Variants in TRAT1 observed in about 807,000 individuals in gnomAD.
The protein encoded by TRAT1 is T cell receptor associated transmembrane adaptor 1.
In TRAT1, 20 loss-of-function variants were observed where a neutral mutation model predicts 20.0. The ratio of observed to expected loss-of-function variants is 1.00; its 90% CI spans 0.70 to 1.45. The LOEUF is 1.45. TRAT1 is among the 40% of genes most tolerant of loss of function. The pLI, the probability that TRAT1 is intolerant of heterozygous loss-of-function variation, is 0.00. For synonymous variants in TRAT1, 77 were observed against 74.2 expected (o/e 1.04, Z -0.20); for missense variants, 237 against 224.1 (o/e 1.06, Z -0.37).
chr3:108,826,125 A>G (rs146164065), intron 1 of TRAT1, among the ~76,000 whole-genome samples: 3 of 152,294 alleles, frequency 2.0e-5, no homozygotes, highest in Non-Finnish European at 2.9e-5. Flanking sequence ...TAAATTAAGT[A>G]AAGTATTGAT....
Position 108,838,975 on chromosome 3 carries a change from G to C in TRAT1, c.152+8G>C, listed in dbSNP as rs766378914. The C allele has an allele frequency of 1.9e-6, 3 of 1,595,700 alleles. No individual in the cohort carries two copies. Among genetic ancestry groups the C allele is most frequent in the Non-Finnish European group, 2.6e-6 (3 of 1,163,222 alleles). On this transcript the variant is annotated splice_region_variant and intron_variant, in intron 3 of 5. Coordinates refer to ENST00000295756, the MANE Select transcript of TRAT1 (RefSeq NM_016388.4). ...CTCCAGTGACCACACCAGGTATGTTGTGATTCAGTCATGGATCATGATTCC... is the reference window on the plus strand; with the variant it reads ...CTCCAGTGACCACACCAGGTATGTTCTGATTCAGTCATGGATCATGATTCC...
chr3:108,853,829 C>T lies in TRAT1; in HGVS notation c.513C>T (p.Pro171=), dbSNP rs765082707. The change falls in exon 6 of 6, where the codon CCC becomes CCT. Residue 171 remains proline (P), a synonymous_variant. Transcript: ENST00000295756. ...QAVEENIHDD[P]IRLFGLIRAK... Reference sequence around the variant, plus strand: ...TAGAGGAAAACATTCATGATGATCCCATCAGACTGTTTGGATTGATCCGTG... The same window carrying T: ...TAGAGGAAAACATTCATGATGATCCTATCAGACTGTTTGGATTGATCCGTG... 2.4e-5 allele frequency: 38 copies of T among 1,613,740 alleles called. No homozygotes were observed. The Admixed American group carries it at 6.3e-4, about 27-fold the overall frequency.
At chr3:108,849,080 C>A (rs1468984507) in intron 4 of TRAT1, 86 bp from the exon 5 acceptor site, 14 of 1,174,172 alleles carry the variant, frequency 1.2e-5, no homozygotes, top group South Asian at 8.4e-5. Context: ...ATATTTGCAG[C>A]CAAATGTTGT....
intron 4 of TRAT1, 70 bp downstream of exon 4, chr3:108,847,199 C>A: frequency 3.3e-6 from 3 of 922,830 alleles, no homozygotes; most frequent in South Asian, 1.5e-5. Flanking sequence ...ATTTAAGTGG[C>A]GCTTTAAAAA....
At chr3:108,825,957 T>C (rs1269518778) in intron 1 of TRAT1, among the ~76,000 whole-genome samples, 3 of 152,150 alleles carry the variant, frequency 2.0e-5, no homozygotes, top group African/African-American at 7.2e-5. Context: ...AAAGACAAGT[T>C]CATCTACAGC....
intron 5 of TRAT1, among the ~76,000 whole-genome samples, chr3:108,851,418 T>C (rs1418402845): frequency 6.6e-6 from 1 of 152,208 alleles, no homozygotes; most frequent in South Asian, 2.1e-4. Flanking sequence ...TCCTCTTCTC[T>C]TCATATCCAA....
At position 108,853,796 on chromosome 3, in the gene TRAT1, C is replaced by A. The variant is rs772650331; in HGVS notation, c.480C>A (p.Ser160Arg). 1.2e-6 allele frequency: 2 copies of A among 1,613,948 alleles called. No individual in the cohort carries two copies. The highest frequency in any genetic ancestry group is 1.7e-6 in the Non-Finnish European group (2 of 1,179,954). The change falls in exon 6 of 6, where the codon AGC becomes AGA. Residue 160 changes from serine (S) to arginine (R), a missense_variant. Ser to Arg is a moderately radical substitution (Grantham distance 110, BLOSUM62 -1). Transcript: ENST00000295756. ...TTLVDSFSPE[S>R]QAVEENIHDD... Reference sequence around the variant, plus strand: ...TAGTAGACAGTTTCTCCCCAGAAAGCCAGGCAGTAGAGGAAAACATTCATG... The same window carrying A: ...TAGTAGACAGTTTCTCCCCAGAAAGACAGGCAGTAGAGGAAAACATTCATG...
At chr3:108,839,571 G>A (rs899300777) in intron 3 of TRAT1, among the ~76,000 whole-genome samples, 7 of 151,812 alleles carry the variant, frequency 4.6e-5, no homozygotes, top group Admixed American at 2.6e-4. Flanking sequence ...ACTTGAACCC[G>A]GGAGGCGGAG....
chr3:108,844,345 T>C (rs1191442047), intron 3 of TRAT1, among the ~76,000 whole-genome samples: 4 of 147,750 alleles, frequency 2.7e-5, no homozygotes. Flanking sequence ...TGAGACGGAG[T>C]CTCGCTCTGA....
Position 108,854,957 on chromosome 3 carries a change from C to T in TRAT1, c.*1080C>T, listed in dbSNP as rs1453856118. On this transcript the variant is annotated 3_prime_UTR_variant, in exon 6 of 6. Coordinates refer to ENST00000295756, the MANE Select transcript of TRAT1 (RefSeq NM_016388.4). ...CACGCTATTTTTCTGATTGTTAAGA[C>T]TTTCCTTATTACTGGTTCTAATTTG... 1 of 152,036 alleles carries T rather than the reference C, an allele frequency of 6.6e-6. No homozygotes were observed. Among genetic ancestry groups the T allele is most frequent in the Non-Finnish European group, 1.5e-5 (1 of 67,968 alleles). 9.4% of individuals were successfully genotyped at this position (152,036 alleles called of 1,614,324 possible).
In TRAT1 at chr3:108,835,736, C is replaced by A. The variant is rs1576520090; in HGVS notation, c.119-3198C>A. On this transcript the variant is annotated intron_variant, in intron 2 of 5. Transcript: ENST00000295756. ...TATTTTCCCCCCAAATTGGTTTAGT[C>A]CCTTTCCTTCCATCTAAACATCACA... Among the ~76,000 whole-genome samples the A allele has an allele frequency of 3.3e-5, 5 of 152,166 alleles. No homozygotes were observed. In the South Asian group the frequency reaches 8.3e-4, roughly 25 times the overall value.
chr3:108,831,538 CTTTTTTTT>C (rs779234270), intron 2 of TRAT1, among the ~76,000 whole-genome samples: 1 of 132,166 alleles, frequency 7.6e-6, no homozygotes, highest in Non-Finnish European at 1.6e-5. Flanking sequence ...TGGAAGGTAT[CTTTTTTTT>C]TTTTTTTTTT....
At chr3:108,844,260 T>A (rs908361938) in intron 3 of TRAT1, among the ~76,000 whole-genome samples, 1 of 151,988 alleles carries the variant, frequency 6.6e-6, no homozygotes, top group African/African-American at 2.4e-5. Context: ...TCTCATTTTT[T>A]AAGTAAGACA....
chr3:108,831,852 T>C (rs898398914), intron 2 of TRAT1, among the ~76,000 whole-genome samples: 2 of 152,062 alleles, frequency 1.3e-5, no homozygotes, highest in Non-Finnish European at 2.9e-5. Context: ...CTGGAAGGTG[T>C]TTAAATACCA....
At chr3:108,823,932 C>T (rs899739051) in intron 1 of TRAT1, among the ~76,000 whole-genome samples, 1 of 151,810 alleles carries the variant, frequency 6.6e-6, no homozygotes, top group Non-Finnish European at 1.5e-5. Flanking sequence ...AGTGCAGTGG[C>T]GCAATCTTGG....
chr3:108,840,062 G>C (rs948801331), intron 3 of TRAT1, among the ~76,000 whole-genome samples: 1 of 151,896 alleles, frequency 6.6e-6, no homozygotes, highest in Non-Finnish European at 1.5e-5. Flanking sequence ...TTTCTCACTG[G>C]GTAGGATAAG....
intron 3 of TRAT1, among the ~76,000 whole-genome samples, chr3:108,844,319 ATTT>A (rs1163841021): frequency 3.5e-5 from 5 of 142,994 alleles, no homozygotes; most frequent in Non-Finnish European, 4.6e-5. Context: ...AGAAGTAGTG[ATTT>A]TTTTTTTTTT....
chr3:108,845,129 T>C (rs1405020684), intron 3 of TRAT1, among the ~76,000 whole-genome samples: 1 of 152,188 alleles, frequency 6.6e-6, no homozygotes, highest in African/African-American at 2.4e-5. Context: ...CATTTGCTCC[T>C]GAGGTTTATT....
rs1482424074 is a variant in TRAT1 at position 108,849,247 on chromosome 3, C to G, written c.296C>G (p.Ser99Cys). The change falls in exon 5 of 6, where the codon TCT becomes TGT. Residue 99 changes from serine (S) to cysteine (C), a missense_variant. Physicochemically the swap from Ser to Cys is moderately radical, Grantham distance 112. Coordinates refer to ENST00000295756, the MANE Select transcript of TRAT1 (RefSeq NM_016388.4). ...AATAAGATGCAGGAAGCCACCCCAT[C>G]TGCACAGGTGAGTTTTGTTTTCTGT... ...SVNKMQEATP[S>C]AQATNETQMC... 15 of 1,613,732 alleles carry G rather than the reference C, an allele frequency of 9.3e-6. No individual in the cohort carries two copies. Among genetic ancestry groups the G allele is most frequent in the African/African-American group, 2.7e-5 (2 of 74,910 alleles).
Sources: allele counts gnomAD v4.1 joint callset (sites outside exome capture counted in the v4.1 genomes callset), GRCh38; gene constraint gnomAD v4.1.1; transcripts MANE v1.5; gene names NCBI Gene and HGNC (gene_info 2026-07-23, HGNC 2026-07-21).